Variants in FER1L6 observed in about 807,000 individuals in gnomAD.
FER1L6 encodes fer-1-like protein 6.
Under a neutral mutation model 219.2 loss-of-function variants are expected in FER1L6, and 177 were observed. That is an observed-to-expected ratio of 0.81 (90% CI 0.71 to 0.91). FER1L6 has a LOEUF of 0.91. FER1L6 is among the 40% of genes least tolerant of loss of function. The pLI, the probability that FER1L6 is intolerant of heterozygous loss-of-function variation, is 0.00. For synonymous variants in FER1L6, 768 were observed against 824.3 expected (o/e 0.93, Z 1.17); for missense variants, 2,153 against 2,259.9 (o/e 0.95, Z 0.96).
chr8:123,921,466 G>A (rs1780959613), intron 1 of FER1L6, among the ~76,000 whole-genome samples: 1 of 152,036 alleles, frequency 6.6e-6, no homozygotes, highest in Admixed American at 6.6e-5. Flanking sequence ...CTGGGCTCAA[G>A]TGATCTTCCC....
intron 39 of FER1L6, among the ~76,000 whole-genome samples, chr8:124,114,712 A>G (rs72716522): frequency 0.011 from 1,684 of 152,092 alleles, 14 homozygotes; most frequent in Non-Finnish European, 0.017. Context: ...CATTCAGCAT[A>G]TAAGATTATA....
intron 32 of FER1L6, among the ~76,000 whole-genome samples, chr8:124,081,605 CAAA>C (rs1243602409): frequency 3.8e-5 from 2 of 52,998 alleles, no homozygotes; most frequent in Non-Finnish European, 8.3e-5. Context: ...ATGCAGAGAC[CAAA>C]AAAAAAAAAA....
chr8:124,005,258 C>A (rs1418237533), intron 13 of FER1L6, among the ~76,000 whole-genome samples: 2 of 152,220 alleles, frequency 1.3e-5, no homozygotes, highest in African/African-American at 4.8e-5. Context: ...TCACATCACT[C>A]ATTGACTCCC....
intron 15 of FER1L6, 165 bp downstream of exon 15, chr8:124,013,696 T>A (rs1204693575): frequency 2.2e-6 from 1 of 449,514 alleles, no homozygotes; most frequent in African/African-American, 2.0e-5. Context: ...GTGGACTAAC[T>A]ATTGCTTCTT....
At chr8:124,031,638 C>T (rs1052462415) in intron 18 of FER1L6, among the ~76,000 whole-genome samples, 1 of 152,208 alleles carries the variant, frequency 6.6e-6, no homozygotes, top group African/African-American at 2.4e-5. Context: ...GTTCTGGTTT[C>T]TGTGACCTGC....
chr8:124,008,914 C>T (rs1050831169), intron 13 of FER1L6, among the ~76,000 whole-genome samples: 1 of 151,500 alleles, frequency 6.6e-6, no homozygotes, highest in Non-Finnish European at 1.5e-5. Context: ...ATCAAAACCA[C>T]AATGCTCAAA....
intron 1 of FER1L6, among the ~76,000 whole-genome samples, chr8:123,887,152 C>T (rs953471497): frequency 3.3e-5 from 5 of 152,152 alleles, no homozygotes; most frequent in African/African-American, 4.8e-5. Context: ...TTCCCTGCTA[C>T]GTAAACTCCT....
intron 2 of FER1L6, 150 bp from the exon 3 acceptor site, chr8:123,963,128 A>G: frequency 9.9e-7 from 1 of 1,008,386 alleles, no homozygotes; most frequent in Non-Finnish European, 1.4e-6. Context: ...ATTTCTGCCA[A>G]TAAGATGTTA....
chr8:124,013,733 C>A, intron 15 of FER1L6: 1 of 363,172 alleles, frequency 2.8e-6, no homozygotes, highest in Non-Finnish European at 5.0e-6. Flanking sequence ...AAACATAAAT[C>A]AAAGGTAGGA....
intron 1 of FER1L6, among the ~76,000 whole-genome samples, chr8:123,899,276 T>C (rs1457944075): frequency 6.6e-6 from 1 of 152,210 alleles, no homozygotes; most frequent in Non-Finnish European, 1.5e-5. Flanking sequence ...CATTTTTTCA[T>C]GTGTTTGTTG....
chr8:124,082,114 T>C (rs6987082), intron 32 of FER1L6, among the ~76,000 whole-genome samples, 174 bp from the exon 33 acceptor site: 121,121 of 151,928 alleles, frequency 0.8, 48,679 homozygotes, highest in Non-Finnish European at 0.86. Context: ...GAGTTGAAAA[T>C]TGTTTGTACT....
intron 17 of FER1L6, among the ~76,000 whole-genome samples, chr8:124,022,721 A>G (rs1330176140): frequency 2.6e-5 from 4 of 152,194 alleles, no homozygotes; most frequent in Non-Finnish European, 5.9e-5. Flanking sequence ...TATTCTGGAA[A>G]TGTTATCTGA....
intron 1 of FER1L6, among the ~76,000 whole-genome samples, chr8:123,944,675 C>G (rs895466540): frequency 6.6e-6 from 1 of 152,126 alleles, no homozygotes; most frequent in Non-Finnish European, 1.5e-5. Flanking sequence ...AGAGAAGTTA[C>G]GCATTTTGCT....
intron 3 of FER1L6, among the ~76,000 whole-genome samples, chr8:123,964,037 C>T (rs1038394731): frequency 2.6e-5 from 4 of 152,112 alleles, no homozygotes; most frequent in East Asian, 1.9e-4. Flanking sequence ...CAGCTGAGAC[C>T]GGCTGTTCTC....
At chr8:123,873,346 C>G (rs1446702182) in intron 1 of FER1L6, among the ~76,000 whole-genome samples, 1 of 152,190 alleles carries the variant, frequency 6.6e-6, no homozygotes, top group African/African-American at 2.4e-5. Flanking sequence ...GGAACTCATC[C>G]CAGTCCCCTG....
intron 39 of FER1L6, among the ~76,000 whole-genome samples, chr8:124,107,875 C>G (rs937952851): frequency 6.6e-6 from 1 of 152,132 alleles, no homozygotes; most frequent in East Asian, 1.9e-4. Flanking sequence ...AAAAGAGAAG[C>G]CTCTTTTATG....
intron 1 of FER1L6, among the ~76,000 whole-genome samples, chr8:123,900,291 C>G (rs1216852039): frequency 1.3e-5 from 2 of 152,066 alleles, no homozygotes; most frequent in African/African-American, 2.4e-5. Context: ...ATTTGGTTCT[C>G]TGCTTGGTCG....
At chr8:124,106,326 CTCAAAAA>C (rs1426860107) in intron 39 of FER1L6, among the ~76,000 whole-genome samples, 1 of 42,262 alleles carries the variant, frequency 2.4e-5, no homozygotes, top group African/African-American at 1.2e-4. Flanking sequence ...GAGACTCTGT[CTCAAAAA>C]AAAAAAAAAA....
rs146403514 is a variant in FER1L6, at chr8:124,103,333, G to A, written c.5289+24G>A. The A allele has an allele frequency of 1.7e-4, 274 of 1,603,806 alleles. 2 individuals carry two copies. The African/African-American group carries it at 3.3e-3, about 19-fold the overall frequency. ...CAGTAAGTGACAGCTATGGGAGGTGGAGGAGATGGGGGAAGTTGGGGGCAT... is the reference window on the plus strand; with the variant it reads ...CAGTAAGTGACAGCTATGGGAGGTGAAGGAGATGGGGGAAGTTGGGGGCAT... On this transcript the variant is annotated intron_variant, in intron 39 of 40. Transcript: ENST00000522917.
Sources: gnomAD v4.1 joint callset for allele counts (sites outside exome capture counted in the v4.1 genomes callset) on GRCh38, gnomAD v4.1.1 for gene constraint, MANE v1.5 for transcripts, NCBI Gene and HGNC (gene_info 2026-07-23, HGNC 2026-07-21) for gene names.